The following CPNE8 variants were observed in gnomAD, a reference collection of about 807,000 sequenced individuals.
CPNE8 encodes the protein copine 8.
CPNE8 carries 45 observed loss-of-function variants against 81.5 expected under a neutral mutation model. The ratio of observed to expected loss-of-function variants is 0.55; its 90% CI spans 0.44 to 0.71. The LOEUF is 0.71. Among genes scored for constraint, CPNE8 ranks in the 30% least tolerant of loss-of-function variants. The pLI is 0.00. For missense variants in CPNE8, 594 were observed against 672.1 expected, an observed-to-expected ratio of 0.88 and a Z score of 1.28; for synonymous variants, 252 against 226.3, an observed-to-expected ratio of 1.11 and a Z score of -1.02.
At chr12:38,899,034 C>T (rs76500403) in intron 1 of CPNE8, among the ~76,000 whole-genome samples, 16,102 of 152,134 alleles carry the variant, frequency 0.11, 1,106 homozygotes, top group African/African-American at 0.2. Flanking sequence ...TGCAATATAC[C>T]TGCTATCACA....
chr12:38,759,603 C>CT (rs1941534224), intron 10 of CPNE8, among the ~76,000 whole-genome samples: 1 of 152,176 alleles, frequency 6.6e-6, no homozygotes, highest in Admixed American at 6.5e-5. Context: ...TGTTATAACT[C>CT]TTTTTCATAA....
chr12:38,904,736 G>A (rs574665740), intron 1 of CPNE8, among the ~76,000 whole-genome samples: 1 of 152,200 alleles, frequency 6.6e-6, no homozygotes, highest in South Asian at 2.1e-4. Flanking sequence ...CAAAGTGCTG[G>A]GAATACAGGC....
chr12:38,868,405 A>G (rs1166100459), intron 3 of CPNE8, among the ~76,000 whole-genome samples: 1 of 152,176 alleles, frequency 6.6e-6, no homozygotes, highest in Non-Finnish European at 1.5e-5. Flanking sequence ...TTATTACAGT[A>G]GCTTTGCTAC....
intron 19 of CPNE8, among the ~76,000 whole-genome samples, chr12:38,657,010 T>G (rs1027720887): frequency 1.3e-5 from 2 of 152,126 alleles, no homozygotes; most frequent in Non-Finnish European, 2.9e-5. Flanking sequence ...ACCTGGATCA[T>G]CTCACTGGGA....
intron 10 of CPNE8, among the ~76,000 whole-genome samples, chr12:38,738,481 C>A (rs572666512): frequency 6.6e-6 from 1 of 152,232 alleles, no homozygotes; most frequent in Admixed American, 6.5e-5. Flanking sequence ...AACTAATTCA[C>A]AAATTTTGAT....
chr12:38,831,331 C>T (rs1943282193), intron 5 of CPNE8, among the ~76,000 whole-genome samples: 1 of 152,122 alleles, frequency 6.6e-6, no homozygotes, highest in Non-Finnish European at 1.5e-5. Flanking sequence ...AATTCAGGGA[C>T]ACCATTAGAG....
At chr12:38,657,996 A>G (rs1379259755) in intron 19 of CPNE8, among the ~76,000 whole-genome samples, 1 of 152,218 alleles carries the variant, frequency 6.6e-6, no homozygotes, top group East Asian at 1.9e-4. Flanking sequence ...CTTCTCCACC[A>G]AAAGATCACA....
chr12:38,870,029 G>A (rs954078004), intron 3 of CPNE8, among the ~76,000 whole-genome samples: 3 of 152,096 alleles, frequency 2.0e-5, no homozygotes, highest in African/African-American at 7.2e-5. Flanking sequence ...ATTTATAAAC[G>A]AAGAGCATAA....
At chr12:38,794,063 T>G (rs939291672) in intron 6 of CPNE8, among the ~76,000 whole-genome samples, 1 of 151,942 alleles carries the variant, frequency 6.6e-6, no homozygotes, top group Non-Finnish European at 1.5e-5. Context: ...AAAAATAAAC[T>G]CAAATGGATT....
chr12:38,762,955 T>G (rs574818392), intron 8 of CPNE8, among the ~76,000 whole-genome samples: 1 of 152,224 alleles, frequency 6.6e-6, no homozygotes, highest in East Asian at 1.9e-4. Flanking sequence ...GCCGCCCGGG[T>G]TCATGCAATC....
rs80138970 is a variant in CPNE8 at position 38,835,999 on chromosome 12, C to A, written c.330+3917G>T. ...ATGTTATCTGGTCCAACATCCCAAGCAGAATCCTGTACACACCAATTATGG... is the reference window on the plus strand; with the variant it reads ...ATGTTATCTGGTCCAACATCCCAAGAAGAATCCTGTACACACCAATTATGG... On this transcript the variant is annotated intron_variant, in intron 5 of 19. Coordinates refer to ENST00000331366, the MANE Select transcript of CPNE8 (RefSeq NM_153634.3). Among the ~76,000 whole-genome samples the A allele has an allele frequency of 2.6e-5, 4 of 152,156 alleles. No homozygotes were observed. The South Asian group carries it at 8.3e-4, about 32-fold the overall frequency.
chr12:38,673,185 G>A (rs1172551731), intron 18 of CPNE8, among the ~76,000 whole-genome samples: 1 of 152,098 alleles, frequency 6.6e-6, no homozygotes, highest in African/African-American at 2.4e-5. Context: ...CACCATGTAG[G>A]ATATGACTGT....
In CPNE8 at chr12:38,730,326, T is replaced by A. The variant is rs202081373; in HGVS notation, c.755A>T (p.Tyr252Phe). The change falls in exon 11 of 20, where the codon TAT becomes TTT. Residue 252 changes from tyrosine to phenylalanine, a missense_variant. Tyr to Phe is a conservative substitution (Grantham distance 22). Coordinates refer to ENST00000331366, the MANE Select transcript of CPNE8 (RefSeq NM_153634.3). ...HDFIGEFTTS[Y>F]RELSRGQSQF... ...TGACTGCCCTCTAGAAAGTTCCCTATAGCTTGTTGTAAATTCTCCAATGAA... is the reference window on the plus strand; with the variant it reads ...TGACTGCCCTCTAGAAAGTTCCCTAAAGCTTGTTGTAAATTCTCCAATGAA... 29 of 1,595,822 alleles carry A rather than the reference T, an allele frequency of 1.8e-5. No homozygotes were observed. The highest frequency in any genetic ancestry group is 2.3e-5 in the Non-Finnish European group (27 of 1,165,936).
chr12:38,835,795 G>T (rs1015982301), intron 5 of CPNE8, among the ~76,000 whole-genome samples: 1 of 151,974 alleles, frequency 6.6e-6, no homozygotes, highest in Non-Finnish European at 1.5e-5. Flanking sequence ...TTTAGAAAGT[G>T]TATTAAAAAA....
At chr12:38,688,739 T>A (rs1325571030) in intron 15 of CPNE8, among the ~76,000 whole-genome samples, 2 of 151,700 alleles carry the variant, frequency 1.3e-5, no homozygotes, top group Non-Finnish European at 2.9e-5. Context: ...AAACCAAATA[T>A]TGTCTGTTCT....
At chr12:38,812,578 G>T (rs1043166104) in intron 6 of CPNE8, among the ~76,000 whole-genome samples, 11 of 152,130 alleles carry the variant, frequency 7.2e-5, no homozygotes, top group Non-Finnish European at 1.3e-4. Context: ...ACCTCCCATT[G>T]GGACCCTCCC....
intron 6 of CPNE8, among the ~76,000 whole-genome samples, chr12:38,784,288 A>G (rs1167695806): frequency 6.6e-6 from 1 of 152,224 alleles, no homozygotes; most frequent in African/African-American, 2.4e-5. Flanking sequence ...AGTGAGCTTG[A>G]AGACAAGCTA....
At chr12:38,865,965 T>C (rs1304743093) in intron 3 of CPNE8, among the ~76,000 whole-genome samples, 1 of 152,198 alleles carries the variant, frequency 6.6e-6, no homozygotes, top group African/African-American at 2.4e-5. Context: ...CTATATCCAG[T>C]AATGTTTGTA....
chr12:38,813,837 A>T (rs545715577), intron 6 of CPNE8, among the ~76,000 whole-genome samples: 1 of 152,346 alleles, frequency 6.6e-6, no homozygotes, highest in South Asian at 2.1e-4. Context: ...AGAAAACCTC[A>T]GAGAGATGGT....
Sources: gnomAD v4.1 joint callset for allele counts (sites outside exome capture counted in the v4.1 genomes callset) on GRCh38, gnomAD v4.1.1 for gene constraint, MANE v1.5 for transcripts, NCBI Gene and HGNC (gene_info 2026-07-23, HGNC 2026-07-21) for gene names.